Variants in FBLN1 observed in about 807,000 individuals in gnomAD.
FBLN1 encodes the protein fibulin 1, also known as fibulin-1.
In FBLN1, 34 loss-of-function variants were observed where a neutral mutation model predicts 89.7. The observed-to-expected ratio is 0.38, with a 90% CI of 0.29 to 0.50. FBLN1 has a LOEUF of 0.50. Ranked by LOEUF, FBLN1 falls within the 20% of genes least tolerant of loss-of-function variation. The pLI is 0.92. For missense variants in FBLN1, 777 were observed against 988.1 expected (o/e 0.79, Z 2.86); for synonymous variants, 393 against 391.3 (o/e 1.00, Z -0.05).
intron 11 of FBLN1, among the ~76,000 whole-genome samples, chr22:45,544,224 T>A (rs985867075): frequency 6.6e-6 from 1 of 152,148 alleles, no homozygotes; most frequent in African/African-American, 2.4e-5. Context: ...ATAGCTGGGA[T>A]TACAGGTGCA....
At chr22:45,568,525 GC>G (rs1569260093) in intron 14 of FBLN1, among the ~76,000 whole-genome samples, 229 of 137,522 alleles carry the variant, frequency 1.7e-3, no homozygotes, top group African/African-American at 7.2e-3. Context: ...GTAGGGGAAT[GC>G]CTCTTCTGTA....
rs375793506 is a variant in FBLN1, at chr22:45,563,229, T to C, written c.1698-11282T>C. 1 of 1,613,804 alleles carries C rather than the reference T, an allele frequency of 6.2e-7. No individual in the cohort carries two copies. The highest frequency in any genetic ancestry group is 8.5e-7 in the Non-Finnish European group (1 of 1,180,038). The stretch of plus-strand genomic sequence containing the variant: ...CGCCACGGCACCGTCAGCTCCTTTG[T>C]GGCCAAGCTTTTCATCTTTGTGTCT... On this transcript the variant is annotated intron_variant, in intron 14 of 16. Coordinates refer to ENST00000327858, the MANE Select transcript of FBLN1 (RefSeq NM_006486.3). The surrounding 1 kb of genome is among the most constrained non-coding windows in gnomAD (Gnocchi z 5.7).
intron 12 of FBLN1, 127 bp from the exon 13 acceptor site, chr22:45,548,486 T>G (rs2088659489): frequency 7.8e-7 from 1 of 1,281,362 alleles, no homozygotes; most frequent in Admixed American, 2.0e-5. Context: ...TGAGGCTTCC[T>G]GTGTTCAGCT....
chr22:45,539,578 C>T lies in FBLN1; in HGVS notation c.923-1651C>T, dbSNP rs150951234. Among the ~76,000 whole-genome samples, 1,372 of 152,192 alleles carry T rather than the reference C, an allele frequency of 9.0e-3. 69 individuals carry two copies. Among genetic ancestry groups the T allele is most frequent in the Admixed American group, 0.071 (1,091 of 15,284 alleles). On this transcript the variant is annotated intron_variant, in intron 8 of 16. Coordinates refer to ENST00000327858, the MANE Select transcript of FBLN1 (RefSeq NM_006486.3). ...CCTGGCTGACCTTGCCTGGGGATGTCGGCAGGTCCTGGGGCAGGAAGGGGT... is the reference window on the plus strand; with the variant it reads ...CCTGGCTGACCTTGCCTGGGGATGTTGGCAGGTCCTGGGGCAGGAAGGGGT...
chr22:45,552,980 G>A lies in FBLN1; in HGVS notation c.1697+2365G>A, dbSNP rs747880080. On this transcript the variant is annotated intron_variant, in intron 14 of 16. Transcript: ENST00000327858. ...GCTGGAGCAAAGCCGGGTGGCCTTG[G>A]TTGCCGCTTCCCGGGGATGGGACAC... Among the ~76,000 whole-genome samples the A allele has an allele frequency of 2.6e-5, 4 of 152,348 alleles. No individual in the cohort carries two copies. In the South Asian group the frequency reaches 8.3e-4, roughly 32 times the overall value.
At chr22:45,553,703 A>G (rs2088735992) in intron 14 of FBLN1, among the ~76,000 whole-genome samples, 1 of 152,154 alleles carries the variant, frequency 6.6e-6, no homozygotes, top group Admixed American at 6.5e-5. Context: ...CCTAGTGTAG[A>G]GAAGGTTTTG....
intron 14 of FBLN1, among the ~76,000 whole-genome samples, chr22:45,566,677 T>C (rs1430737130): frequency 3.9e-5 from 6 of 152,042 alleles, no homozygotes; most frequent in Admixed American, 3.9e-4. Flanking sequence ...TAGGTGTGAG[T>C]GTGGGTTTCT....
chr22:45,564,904 G>GGCAGA, intron 14 of FBLN1: 1 of 1,614,078 alleles, frequency 6.2e-7, no homozygotes, highest in Non-Finnish European at 8.5e-7. Context: ...AAGAAGGGAA[G>GGCAGA]GCAGAACACC....
rs2088683476 is a variant in FBLN1, at chr22:45,550,181, G to A, written c.1574-311G>A. Among the ~76,000 whole-genome samples, 1 of 152,158 alleles carries A rather than the reference G, an allele frequency of 6.6e-6. No homozygotes were observed. The highest frequency in any genetic ancestry group is 6.5e-5 in the Admixed American group (1 of 15,270). On this transcript the variant is annotated intron_variant, in intron 13 of 16. Coordinates refer to ENST00000327858, the MANE Select transcript of FBLN1 (RefSeq NM_006486.3). The surrounding 1 kb of genome is among the most constrained non-coding windows in gnomAD (Gnocchi z 8.4). ...ATCATAACAGTATCTGCCTCATTGA[G>A]TTCTTAGGAGGATTCAGTGACTTAT...
chr22:45,565,502 G>A, intron 14 of FBLN1: 1 of 310,656 alleles, frequency 3.2e-6, no homozygotes, highest in Non-Finnish European at 6.3e-6. Flanking sequence ...AGTGCAGTTA[G>A]CCTGAGCTCC....
At chr22:45,555,144 G>A (rs371547605) in intron 14 of FBLN1, among the ~76,000 whole-genome samples, 6 of 151,712 alleles carry the variant, frequency 4.0e-5, no homozygotes, top group Non-Finnish European at 7.4e-5. Flanking sequence ...GTTGGGACCC[G>A]TCCGTGTCTC....
chr22:45,527,036 T>C (rs927929210), intron 3 of FBLN1, among the ~76,000 whole-genome samples: 3 of 152,108 alleles, frequency 2.0e-5, no homozygotes, highest in Non-Finnish European at 4.4e-5. Flanking sequence ...AGGTGACTGA[T>C]GCTCCCTACA....
chr22:45,592,691 C>A (rs763100), intron 16 of FBLN1, among the ~76,000 whole-genome samples: 45,417 of 152,070 alleles, frequency 0.3, 10,152 homozygotes, highest in African/African-American at 0.63. Context: ...CCTGCAGGAA[C>A]TGTGGAGCCT....
In FBLN1 at chr22:45,576,037, C is replaced by CA. The variant is rs149856855; in HGVS notation, c.1841-940_1841-939insA. Reference sequence around the variant, plus strand: ...GTGTTTACACCATGACACAACCATGCGGGGGGGTGGGGGGAGGAGAGGCTC... The same window carrying CA: ...GTGTTTACACCATGACACAACCATGCAGGGGGGGTGGGGGGAGGAGAGGCTC... On this transcript the variant is annotated intron_variant, in intron 15 of 16. Coordinates refer to ENST00000327858, the MANE Select transcript of FBLN1 (RefSeq NM_006486.3). The surrounding 1 kb of genome is among the most constrained non-coding windows in gnomAD (Gnocchi z 5.2). Among the ~76,000 whole-genome samples, 3,529 of 150,834 alleles carry CA rather than the reference C, an allele frequency of 0.023. 145 individuals carry two copies. Among genetic ancestry groups the CA allele is most frequent in the African/African-American group, 0.08 (3,297 of 41,056 alleles).
rs753660880 is a variant in FBLN1, at chr22:45,575,126, C to T, written c.1840+473C>T. 2.6e-5 allele frequency among the ~76,000 whole-genome samples: 4 copies of T among 152,132 alleles called. No homozygotes were observed. The highest frequency in any genetic ancestry group is 5.9e-5 in the Non-Finnish European group (4 of 68,028). On this transcript the variant is annotated intron_variant, in intron 15 of 16. Transcript: ENST00000327858. This position sits in a 1 kb window ranked among gnomAD's most constrained non-coding sequence, Gnocchi z 6.3. ...CTTTGTGTCTGTGTCCCCCCCACAC[C>T]CACCTGGCACAGCAGCATTTGGCCC... is the stretch of plus-strand genomic sequence containing the variant.
chr22:45,518,791 C>T lies in FBLN1; in HGVS notation c.185+4C>T, dbSNP rs147045275. 805 of 1,602,454 alleles carry T rather than the reference C, an allele frequency of 5.0e-4. 4 individuals are homozygous for T. The African/African-American group carries it at 9.1e-3, about 18-fold the overall frequency. The stretch of plus-strand genomic sequence containing the variant: ...CTACGGAATCCAAAGAATGCAGGTA[C>T]GTTTGCCAGTGGCCACTGTTTCACT... On this transcript the variant is annotated splice_donor_region_variant and intron_variant, in intron 2 of 16. Coordinates refer to ENST00000327858, the MANE Select transcript of FBLN1 (RefSeq NM_006486.3).
At chr22:45,522,038 T>C (rs2088258616) in intron 2 of FBLN1, among the ~76,000 whole-genome samples, 1 of 151,644 alleles carries the variant, frequency 6.6e-6, no homozygotes, top group Non-Finnish European at 1.5e-5. Context: ...CAGGCTGGAG[T>C]GCAATGGCGC....
chr22:45,533,049 C>G lies in FBLN1; in HGVS notation c.545-14C>G. The G allele has an allele frequency of 6.2e-7, 1 of 1,612,192 alleles. No homozygotes were observed. Among genetic ancestry groups the G allele is most frequent in the East Asian group, 2.2e-5 (1 of 44,860 alleles). ...GGTGCGTCCATCCCTGGCTCATGCA[C>G]GCTGTGCTTCCAGGAGGCGGGCCCT... On this transcript the variant is annotated splice_polypyrimidine_tract_variant and intron_variant, in intron 5 of 16. Coordinates refer to ENST00000327858, the MANE Select transcript of FBLN1 (RefSeq NM_006486.3).
rs136748 is a variant in FBLN1 at position 45,537,619 on chromosome 22, CA to C, written c.922+2297del. Among the ~76,000 whole-genome samples, 52,546 of 135,452 alleles carry C rather than the reference CA, an allele frequency of 0.39. 9,723 individuals are homozygous for C. The highest frequency in any genetic ancestry group is 0.53 in the Middle Eastern group (139 of 262). The allele number at this position is 135,452 out of a possible 152,430, so 88.9% of individuals were successfully genotyped here. A position where few individuals can be genotyped will look rare whatever the true frequency, so the allele number is the denominator to read the frequency against. On this transcript the variant is annotated intron_variant, in intron 8 of 16. Transcript: ENST00000327858. The surrounding 1 kb of genome is among the most constrained non-coding windows in gnomAD (Gnocchi z 5.7). ...TGGACAACAGAGCAAGACTCTGTGT[CA>C]AAAAAAAAAAAAAAGATAAAAAGAC...
Sources: gnomAD v4.1 joint callset for allele counts (sites outside exome capture counted in the v4.1 genomes callset) on GRCh38, gnomAD v4.1.1 for gene constraint, Gnocchi (gnomAD v3.1) non-coding constraint, MANE v1.5 for transcripts, NCBI Gene and HGNC (gene_info 2026-07-23, HGNC 2026-07-21) for gene names.